WNT9B: variants seen among roughly 807,000 people sequenced by gnomAD.
WNT9B encodes Wnt family member 9B.
In WNT9B, 12 loss-of-function variants were observed where a neutral mutation model predicts 30.2. The observed-to-expected ratio is 0.40, with a 90% CI of 0.26 to 0.64. WNT9B has a LOEUF of 0.64. Among genes scored for constraint, WNT9B ranks in the 30% least tolerant of loss-of-function variants. The probability of loss-of-function intolerance (pLI) is 0.42; values close to 1 mark genes in which losing one functional copy is unlikely to be tolerated. For missense variants in WNT9B, 442 were observed against 485.2 expected, an observed-to-expected ratio of 0.91 and a Z score of 0.84; for synonymous variants, 218 against 216.9, an observed-to-expected ratio of 1.01 and a Z score of -0.05.
chr17:46,872,796 G>T, intron 2 of WNT9B, 23 bp downstream of exon 2: 1 of 1,369,820 alleles, frequency 7.3e-7, no homozygotes, highest in South Asian at 1.2e-5. Context: ...GCTAGGGGAC[G>T]GGGAGGGCTG....
intron 1 of WNT9B, among the ~76,000 whole-genome samples, chr17:46,862,371 A>T (rs2085055557): frequency 6.6e-6 from 1 of 152,142 alleles, no homozygotes; most frequent in South Asian, 2.1e-4. Flanking sequence ...TTGCAGGTAG[A>T]CATCTACAGG....
At chr17:46,862,850 C>G (rs1293724222) in intron 1 of WNT9B, among the ~76,000 whole-genome samples, 3 of 152,218 alleles carry the variant, frequency 2.0e-5, no homozygotes, top group African/African-American at 7.2e-5. Flanking sequence ...TCCCAGAGTG[C>G]TGGGATTACA....
chr17:46,881,156 T>TCAG (rs2085417175), downstream of WNT9B, among the ~76,000 whole-genome samples: 1 of 152,178 alleles, frequency 6.6e-6, no homozygotes, highest in South Asian at 2.1e-4. Flanking sequence ...AGTGCCTGTC[T>TCAG]CCTGGCTCAG....
At chr17:46,882,049 G>A (rs1316568792), downstream of WNT9B, among the ~76,000 whole-genome samples, 2 of 152,172 alleles carry the variant, frequency 1.3e-5, no homozygotes, top group African/African-American at 2.4e-5. Context: ...CCAGCGATTG[G>A]AGAGGCCGAG....
intron 2 of WNT9B, 72 bp downstream of exon 2, chr17:46,872,845 C>T (rs2146601367): frequency 6.8e-7 from 1 of 1,479,042 alleles, no homozygotes; most frequent in Non-Finnish European, 9.0e-7. Context: ...CTGGGAGAGG[C>T]TGCCCTTTCC....
At chr17:46,847,661 A>C (rs2084791247), upstream of WNT9B, among the ~76,000 whole-genome samples, 1 of 152,098 alleles carries the variant, frequency 6.6e-6, no homozygotes, top group Non-Finnish European at 1.5e-5. Context: ...CAGCATGGGC[A>C]CCTTCCCTCG....
chr17:46,872,093 CTG>C (rs1369672253), intron 1 of WNT9B, among the ~76,000 whole-genome samples: 1 of 152,218 alleles, frequency 6.6e-6, no homozygotes, highest in African/African-American at 2.4e-5. Flanking sequence ...CACCAATACT[CTG>C]TGCATTATTT....
intron 1 of WNT9B, among the ~76,000 whole-genome samples, chr17:46,835,255 A>G (rs561072453): frequency 6.6e-6 from 1 of 151,944 alleles, no homozygotes; most frequent in East Asian, 1.9e-4. Context: ...TCTGTTGCCT[A>G]GGTTTGAGTG....
chr17:46,866,094 T>C (rs935091223), intron 1 of WNT9B, among the ~76,000 whole-genome samples: 7 of 152,076 alleles, frequency 4.6e-5, no homozygotes, highest in Non-Finnish European at 8.8e-5. Context: ...CAAGGTGGCA[T>C]TGGGTGCTGT....
intron 1 of WNT9B, among the ~76,000 whole-genome samples, chr17:46,842,016 G>A (rs892737001): frequency 2.7e-4 from 41 of 152,296 alleles, no homozygotes; most frequent in East Asian, 1.4e-3. Flanking sequence ...GGCTGGCCGC[G>A]GTGGCGCCCT....
intron 1 of WNT9B, among the ~76,000 whole-genome samples, chr17:46,869,499 C>T (rs1027555415): frequency 2.0e-5 from 3 of 152,142 alleles, no homozygotes; most frequent in Non-Finnish European, 4.4e-5. Flanking sequence ...GCCAGAAGCA[C>T]CAAAAACGAA....
At chr17:46,838,379 C>G (rs1406721203) in intron 1 of WNT9B, among the ~76,000 whole-genome samples, 1 of 151,232 alleles carries the variant, frequency 6.6e-6, no homozygotes, top group Non-Finnish European at 1.5e-5. Flanking sequence ...GTAATCCCAA[C>G]TTTTTGGAAG....
chr17:46,848,677 T>G (rs1009149151), upstream of WNT9B, among the ~76,000 whole-genome samples: 4 of 152,222 alleles, frequency 2.6e-5, no homozygotes, highest in Non-Finnish European at 5.9e-5. Flanking sequence ...AAGGTGTCTG[T>G]GAGTCAGGCT....
At position 46,876,665 on chromosome 17, in the gene WNT9B, G is replaced by A. The variant is rs144564507; in HGVS notation, c.1021G>A (p.Val341Met). 22 of 1,596,958 alleles carry A rather than the reference G, an allele frequency of 1.4e-5. No individual in the cohort carries two copies. Among genetic ancestry groups the A allele is most frequent in the East Asian group, 2.2e-5 (1 of 44,570 alleles). Residue 341 changes from valine to methionine, a missense_variant, in exon 4 of 4, where the codon GTG (valine) becomes ATG (methionine). Val to Met is a conservative substitution (Grantham distance 21). Coordinates refer to ENST00000290015, the MANE Select transcript of WNT9B (RefSeq NM_003396.3). ...CTGCCAGGTGCAGTGGTGCTGCTAC[G>A]TGGAGTGCCAGCAATGTGTGCAGGA... ...CHCQVQWCCY[V>M]ECQQCVQEEL...
At chr17:46,839,157 C>T (rs973793508) in intron 1 of WNT9B, among the ~76,000 whole-genome samples, 7 of 152,208 alleles carry the variant, frequency 4.6e-5, no homozygotes, top group African/African-American at 7.2e-5. Flanking sequence ...GGATTACAGG[C>T]GTGAGCCACC....
chr17:46,869,271 T>C (rs1052621457), intron 1 of WNT9B, among the ~76,000 whole-genome samples: 2 of 152,174 alleles, frequency 1.3e-5, no homozygotes, highest in African/African-American at 4.8e-5. Flanking sequence ...GTCCATTAGA[T>C]GAAATTTAAA....
downstream of WNT9B, chr17:46,884,956 C>A (rs1271950237): frequency 5.0e-6 from 2 of 399,696 alleles, no homozygotes; most frequent in Non-Finnish European, 4.9e-6. Context: ...TCCTGCAACC[C>A]ATCAAATAGT....
intron 1 of WNT9B, among the ~76,000 whole-genome samples, chr17:46,869,889 C>T (rs1246628092): frequency 1.3e-5 from 2 of 152,074 alleles, no homozygotes; most frequent in East Asian, 1.9e-4. Context: ...GTCCCAGCTA[C>T]TCGGGAGGCT....
At chr17:46,847,769 G>A (rs1055983142), upstream of WNT9B, among the ~76,000 whole-genome samples, 4 of 152,216 alleles carry the variant, frequency 2.6e-5, no homozygotes, top group Non-Finnish European at 5.9e-5. Flanking sequence ...AGCCTGGGAA[G>A]CCGCATTTCC....
Sources: gnomAD v4.1 joint callset for allele counts (sites outside exome capture counted in the v4.1 genomes callset) on GRCh38, gnomAD v4.1.1 for gene constraint, MANE v1.5 for transcripts, NCBI Gene and HGNC (gene_info 2026-07-23, HGNC 2026-07-21) for gene names.